NRG1: variants seen among roughly 807,000 people sequenced by gnomAD.
The protein encoded by NRG1 is neuregulin 1.
In NRG1, 18 loss-of-function variants were observed where a neutral mutation model predicts 63.8. The ratio of observed to expected loss-of-function variants is 0.28; its 90% CI spans 0.19 to 0.42. NRG1 has a LOEUF of 0.42. Among genes scored for constraint, NRG1 ranks in the 10% least tolerant of loss-of-function variants. The probability of loss-of-function intolerance (pLI) is 1.00; values close to 1 mark genes in which losing one functional copy is unlikely to be tolerated. For missense variants in NRG1, 762 were observed against 814.7 expected (o/e 0.94, Z 0.79); for synonymous variants, 302 against 301.3 (o/e 1.00, Z -0.02).
intron 1 of NRG1, among the ~76,000 whole-genome samples, chr8:32,162,655 G>A (rs1022286925): frequency 6.6e-6 from 1 of 152,000 alleles, no homozygotes; most frequent in Non-Finnish European, 1.5e-5. Flanking sequence ...AGCAAAACTT[G>A]AGTTATGATG....
intron 1 of NRG1, among the ~76,000 whole-genome samples, chr8:31,726,617 A>T (rs1813469693): frequency 6.6e-6 from 1 of 152,156 alleles, no homozygotes; most frequent in Admixed American, 6.5e-5. Context: ...TAGGAGATTT[A>T]TTGGGGAGTG....
intron 1 of NRG1, among the ~76,000 whole-genome samples, chr8:32,467,312 G>A (rs750304448): frequency 1.4e-4 from 22 of 152,168 alleles, no homozygotes; most frequent in African/African-American, 3.1e-4. Flanking sequence ...AAGAAAGCTC[G>A]TCTCCATCAG....
At chr8:32,664,624 AATGATGATG>A (rs60514534) in intron 5 of NRG1, among the ~76,000 whole-genome samples, 168 of 151,598 alleles carry the variant, frequency 1.1e-3, no homozygotes, top group African/African-American at 3.5e-3. Context: ...ATGGTGTAGA[AATGATGATG>A]ATGATGATGA....
At chr8:32,514,983 A>C (rs1829663979) in intron 1 of NRG1, among the ~76,000 whole-genome samples, 1 of 81,096 alleles carries the variant, frequency 1.2e-5, no homozygotes, top group Non-Finnish European at 2.3e-5. Flanking sequence ...GTAGTATTCC[A>C]TGGTGTATAC....
intron 1 of NRG1, among the ~76,000 whole-genome samples, chr8:32,137,619 G>A (rs1299251586): frequency 6.6e-6 from 1 of 151,980 alleles, no homozygotes; most frequent in Non-Finnish European, 1.5e-5. Flanking sequence ...TAGACAGTTG[G>A]GTACATAAAA....
At chr8:31,977,554 T>G (rs1018626225) in intron 1 of NRG1, among the ~76,000 whole-genome samples, 1 of 152,148 alleles carries the variant, frequency 6.6e-6, no homozygotes, top group Non-Finnish European at 1.5e-5. Flanking sequence ...TATGCATCAA[T>G]GTCACTCTAT....
intron 5 of NRG1, among the ~76,000 whole-genome samples, chr8:32,671,987 C>T (rs1805772312): frequency 6.6e-6 from 1 of 151,910 alleles, no homozygotes; most frequent in Non-Finnish European, 1.5e-5. Flanking sequence ...TTAACTACAC[C>T]TCTGCTTGCC....
chr8:31,795,468 T>C (rs1003213800), intron 1 of NRG1, among the ~76,000 whole-genome samples: 33 of 152,200 alleles, frequency 2.2e-4, no homozygotes, highest in African/African-American at 7.7e-4. Flanking sequence ...TTTCAGACTT[T>C]AGAGAGCATG....
chr8:31,759,916 C>A (rs1277173590), intron 1 of NRG1, among the ~76,000 whole-genome samples: 1 of 151,986 alleles, frequency 6.6e-6, no homozygotes, highest in Non-Finnish European at 1.5e-5. Context: ...GTGAAGATAG[C>A]CTAAGTCTTT....
intron 1 of NRG1, among the ~76,000 whole-genome samples, chr8:32,257,319 T>C (rs1360413859): frequency 3.9e-5 from 6 of 152,168 alleles, no homozygotes; most frequent in Admixed American, 2.6e-4. Flanking sequence ...GCATTCCAGG[T>C]GCCACTGGTA....
At chr8:31,674,162 A>G (rs1807440761) in intron 1 of NRG1, among the ~76,000 whole-genome samples, 1 of 152,156 alleles carries the variant, frequency 6.6e-6, no homozygotes, top group African/African-American at 2.4e-5. Context: ...ACTACATTTT[A>G]TTTATCCATT....
intron 1 of NRG1, among the ~76,000 whole-genome samples, chr8:31,989,253 C>CAAAAAAAAAAAAAAAAAAA (rs10692906): frequency 7.6e-4 from 36 of 47,506 alleles, no homozygotes; most frequent in East Asian, 5.0e-3. Flanking sequence ...GACTCTGTCT[C>CAAAAAAAAAAAAAAAAAAA]AAAAAAAAAA....
chr8:32,445,333 T>G (rs1332789476), intron 1 of NRG1, among the ~76,000 whole-genome samples: 1 of 152,184 alleles, frequency 6.6e-6, no homozygotes, highest in Non-Finnish European at 1.5e-5. Context: ...TATCCATGGT[T>G]GGTTGAATCC....
At chr8:32,591,842 A>G (rs973113165) in intron 1 of NRG1, among the ~76,000 whole-genome samples, 1 of 152,100 alleles carries the variant, frequency 6.6e-6, no homozygotes, top group Non-Finnish European at 1.5e-5. Flanking sequence ...GTTGGGTACT[A>G]TGCTTATTAC....
intron 1 of NRG1, among the ~76,000 whole-genome samples, chr8:32,281,474 G>A (rs556966062): frequency 2.0e-5 from 3 of 151,990 alleles, no homozygotes; most frequent in African/African-American, 4.8e-5. Context: ...CATGGCACCC[G>A]GCTGGTAGTT....
At chr8:32,647,700 T>C (rs773940406) in intron 5 of NRG1, 2 of 1,533,354 alleles carry the variant, frequency 1.3e-6, no homozygotes, top group South Asian at 1.3e-5. Context: ...GGCCAGGCCT[T>C]CTTCTGGAGG....
intron 1 of NRG1, among the ~76,000 whole-genome samples, chr8:32,386,457 A>G (rs1414470868): frequency 6.6e-6 from 1 of 152,178 alleles, no homozygotes; most frequent in Admixed American, 6.5e-5. Flanking sequence ...TCATTCTATG[A>G]TGGTGCCTTG....
At chr8:32,461,052 C>T (rs1411513527) in intron 1 of NRG1, among the ~76,000 whole-genome samples, 1 of 151,942 alleles carries the variant, frequency 6.6e-6, no homozygotes. Context: ...TGTCATTTAC[C>T]CTAAAATGTT....
chr8:32,727,969 G>A (rs555525050), exon 6 of NRG1: 1 of 1,613,952 alleles, frequency 6.2e-7, no homozygotes, highest in South Asian at 1.1e-5. Flanking sequence ...ATCCACCACT[G>A]GGACAAGCCA....
Sources: allele counts gnomAD v4.1 joint callset (sites outside exome capture counted in the v4.1 genomes callset), GRCh38; gene constraint gnomAD v4.1.1; transcripts MANE v1.5; gene names NCBI Gene and HGNC (gene_info 2026-07-23, HGNC 2026-07-21).